Variants in RPGRIP1L observed in about 807,000 individuals in gnomAD.
RPGRIP1L encodes the protein RPGRIP1 like.
RPGRIP1L carries 131 observed loss-of-function variants against 160.4 expected under a neutral mutation model. That is an observed-to-expected ratio of 0.82 (90% CI 0.71 to 0.94). The LOEUF (loss-of-function observed/expected upper bound fraction) is 0.94, where lower values mean the gene tolerates loss of function less well. RPGRIP1L is among the 40% of genes least tolerant of loss of function. The pLI is 0.00. For missense variants in RPGRIP1L, 1,522 were observed against 1,535.8 expected (o/e 0.99, Z 0.15); for synonymous variants, 510 against 515.8 (o/e 0.99, Z 0.15).
chr16:53,644,318 T>C (rs1034604545), intron 17 of RPGRIP1L, among the ~76,000 whole-genome samples: 1 of 151,752 alleles, frequency 6.6e-6, no homozygotes, highest in Non-Finnish European at 1.5e-5. Flanking sequence ...CAAAAATGAA[T>C]AGAGCCTCAG....
At chr16:53,612,309 T>C (rs1964097945) in intron 24 of RPGRIP1L, among the ~76,000 whole-genome samples, 1 of 152,112 alleles carries the variant, frequency 6.6e-6, no homozygotes, top group Non-Finnish European at 1.5e-5. Flanking sequence ...TATTAGTAAA[T>C]GTGGCTAGTT....
chr16:53,658,809 A>C lies in RPGRIP1L; in HGVS notation c.1313T>G (p.Leu438Arg). The C allele has an allele frequency of 6.2e-7, 1 of 1,608,736 alleles. No individual in the cohort carries two copies. The highest frequency in any genetic ancestry group is 8.5e-7 in the Non-Finnish European group (1 of 1,176,704). The change falls in exon 11 of 27, where the codon CTT becomes CGT. Residue 438 changes from leucine (L) to arginine (R), a missense_variant. Physicochemically the swap from Leu to Arg is moderately radical, Grantham distance 102. Transcript: ENST00000647211. ...TTTTATGCGTTTTTTAAGTTCATCAAGTTGTTGCTTTTGTTCCAGATACTG... is the reference window on the plus strand; with the variant it reads ...TTTTATGCGTTTTTTAAGTTCATCACGTTGTTGCTTTTGTTCCAGATACTG... ...QLQYLEQKQQ[L>R]DELKKRIKLY...
rs556719572 is a variant in RPGRIP1L, at chr16:53,641,318, A to G, written c.2841T>C (p.Leu947=). 9.9e-6 allele frequency: 16 copies of G among 1,614,078 alleles called. 1 individual carries two copies. In the East Asian group the frequency reaches 3.6e-4, roughly 36 times the overall value. ...GTGTGCTAACAGAGGATGCTGGAGG[A>G]AGTCTTTGAACAACTTCTGGCTCTT... ...RSEEPEVVQR[L]PPASSVSTLV... Residue 947 remains leucine (L), a synonymous_variant, in exon 18 of 27, where the codon CTT becomes CTC. Coordinates refer to ENST00000647211, the MANE Select transcript of RPGRIP1L (RefSeq NM_015272.5).
rs893903270 is a variant in RPGRIP1L, at chr16:53,607,878, T to A, written c.3702-2264A>T. On this transcript the variant is annotated intron_variant, in intron 25 of 26. Coordinates refer to ENST00000647211, the MANE Select transcript of RPGRIP1L (RefSeq NM_015272.5). ...TCATTTAAGAATTAAAAGTAATTTT[T>A]AAAAAATAACGAAAAGACACACACA... is the stretch of plus-strand genomic sequence containing the variant. 5.9e-5 allele frequency: 30 copies of A among 507,202 alleles called. No homozygotes were observed. In the South Asian group the frequency reaches 2.0e-3, roughly 33 times the overall value. 31.4% of individuals were successfully genotyped at this position (507,202 alleles called of 1,614,324 possible).
At chr16:53,634,995 T>C (rs1221782859) in intron 22 of RPGRIP1L, among the ~76,000 whole-genome samples, 1 of 152,060 alleles carries the variant, frequency 6.6e-6, no homozygotes, top group African/African-American at 2.4e-5. Flanking sequence ...TCTGAAACCA[T>C]TATAGGAAAT....
Position 53,599,756 on chromosome 16 carries a change from AAAAC to A in RPGRIP1L, c.*2316_*2319del, listed in dbSNP as rs1394759977. On this transcript the variant is annotated 3_prime_UTR_variant, in exon 27 of 27. Transcript: ENST00000647211. ...CAATGGCCTCCAGTTACCACAAGAT[AAAAC>A]AAACAAAATTCTCAAACAGATTATG... 3.3e-5 allele frequency: 5 copies of A among 152,226 alleles called. No individual in the cohort carries two copies. Among genetic ancestry groups the A allele is most frequent in the Admixed American group, 3.3e-4 (5 of 15,270 alleles). 9.4% of individuals were successfully genotyped at this position (152,226 alleles called of 1,614,324 possible).
At chr16:53,698,754 T>C (rs112557619) in intron 2 of RPGRIP1L, among the ~76,000 whole-genome samples, 26 of 140,702 alleles carry the variant, frequency 1.8e-4, no homozygotes, top group African/African-American at 6.1e-4. Flanking sequence ...CCGCCCCGTC[T>C]GGGAGGGAGG....
At chr16:53,698,994 C>T (rs951307020) in intron 2 of RPGRIP1L, among the ~76,000 whole-genome samples, 7 of 152,110 alleles carry the variant, frequency 4.6e-5, no homozygotes, top group Non-Finnish European at 1.0e-4. Context: ...GTTGCCGTGT[C>T]TGTGTGGAAA....
intron 10 of RPGRIP1L, chr16:53,659,583 T>G (rs776375998): frequency 1.3e-5 from 2 of 152,218 alleles, no homozygotes; most frequent in Non-Finnish European, 2.9e-5. Flanking sequence ...CATGGTGGTA[T>G]CAATAATAAT....
intron 9 of RPGRIP1L, among the ~76,000 whole-genome samples, chr16:53,669,934 T>C (rs1010113228): frequency 1.3e-5 from 2 of 152,134 alleles, no homozygotes; most frequent in African/African-American, 4.8e-5. Flanking sequence ...TGTGTGACTC[T>C]GCACAAGTCT....
intron 24 of RPGRIP1L, among the ~76,000 whole-genome samples, chr16:53,617,450 T>A (rs1406198874): frequency 1.3e-5 from 2 of 152,202 alleles, no homozygotes; most frequent in Non-Finnish European, 2.9e-5. Context: ...ACTCTGCAAC[T>A]GATGATTTCC....
intron 23 of RPGRIP1L, among the ~76,000 whole-genome samples, 181 bp downstream of exon 23, chr16:53,622,038 A>AAAG: frequency 6.8e-6 from 1 of 146,948 alleles, no homozygotes; most frequent in East Asian, 2.0e-4. Flanking sequence ...AAAAAAAAAA[A>AAAG]AAAAAAAAAA....
chr16:53,653,324 C>G, intron 14 of RPGRIP1L: 6 of 1,133,318 alleles, frequency 5.3e-6, no homozygotes, highest in Non-Finnish European at 6.5e-6. Flanking sequence ...CTGCTCCACC[C>G]ATTGTCTTCA....
At chr16:53,641,532 A>G in intron 17 of RPGRIP1L, 57 bp from the exon 18 acceptor site, 1 of 1,464,774 alleles carries the variant, frequency 6.8e-7, no homozygotes, top group Non-Finnish European at 9.5e-7. Flanking sequence ...TACTGTAAGA[A>G]TTAAAGAACA....
chr16:53,620,691 G>A (rs1054352002), intron 23 of RPGRIP1L, among the ~76,000 whole-genome samples: 13 of 152,082 alleles, frequency 8.5e-5, no homozygotes, highest in Non-Finnish European at 1.0e-4. Flanking sequence ...AAGGTTACTC[G>A]GTTTCAACTA....
chr16:53,673,107 T>A, intron 7 of RPGRIP1L, 91 bp from the exon 8 acceptor site: 1 of 1,247,704 alleles, frequency 8.0e-7, no homozygotes, highest in Non-Finnish European at 1.1e-6. Flanking sequence ...TACAATTCTA[T>A]AAATGAATTT....
intron 9 of RPGRIP1L, among the ~76,000 whole-genome samples, chr16:53,667,290 C>T (rs1468751545): frequency 6.6e-6 from 1 of 152,208 alleles, no homozygotes; most frequent in East Asian, 1.9e-4. Flanking sequence ...AATACACACC[C>T]TTGACCAAAA....
At chr16:53,700,774 A>AC in intron 1 of RPGRIP1L, 44 bp from the exon 2 acceptor site, 1 of 1,428,554 alleles carries the variant, frequency 7.0e-7, no homozygotes, top group Non-Finnish European at 9.8e-7. Flanking sequence ...CCAAATTATT[A>AC]CATTAACTAT....
At chr16:53,622,487 A>G (rs1483062870) in intron 22 of RPGRIP1L, 131 bp from the exon 23 acceptor site, 1 of 454,810 alleles carries the variant, frequency 2.2e-6, no homozygotes, top group African/African-American at 2.0e-5. Context: ...ATACTGTGTT[A>G]TTTCCTATCT....
Sources: allele counts gnomAD v4.1 joint callset (sites outside exome capture counted in the v4.1 genomes callset), GRCh38; gene constraint gnomAD v4.1.1; transcripts MANE v1.5; gene names NCBI Gene and HGNC (gene_info 2026-07-23, HGNC 2026-07-21).